The following PRSS53 variants were observed in gnomAD, a reference collection of about 807,000 sequenced individuals.
The protein encoded by PRSS53 is serine protease 53.
Under a neutral mutation model 62.7 loss-of-function variants are expected in PRSS53, and 54 were observed. That is an observed-to-expected ratio of 0.86 (90% confidence interval 0.69 to 1.08). The LOEUF (loss-of-function observed/expected upper bound fraction) is 1.08, where lower values mean the gene tolerates loss of function less well. PRSS53 is among the 50% of genes least tolerant of loss of function. The pLI, the probability that PRSS53 is intolerant of heterozygous loss-of-function variation, is 0.00. For synonymous variants in PRSS53, 273 were observed against 300.0 expected (o/e 0.91, Z 0.93); for missense variants, 688 against 728.3 (o/e 0.94, Z 0.64).
At chr16:31,084,798 G>C in exon 8 of PRSS53, 1 of 1,548,160 alleles carries the variant, frequency 6.5e-7, no homozygotes, top group Non-Finnish European at 8.7e-7. Context: ...GGGCGGGCCC[G>C]TCCCAGAACC....
chr16:31,087,619 C>A (rs1339042757), exon 3 of PRSS53: 1 of 1,610,484 alleles, frequency 6.2e-7, no homozygotes, highest in Admixed American at 1.7e-5. Context: ...TGCCTCCTCA[C>A]ACTGGCCTGC....
exon 2 of PRSS53, chr16:31,087,814 G>A (rs2143889137): frequency 6.2e-7 from 1 of 1,614,030 alleles, no homozygotes; most frequent in East Asian, 2.2e-5. Context: ...ACCACGCTGA[G>A]CGGCTTGAAG....
intron 1 of PRSS53, chr16:31,088,443 CAG>C: frequency 1.6e-6 from 2 of 1,274,494 alleles, no homozygotes; most frequent in Non-Finnish European, 1.0e-6. Flanking sequence ...CAGAGGAGCC[CAG>C]AGTTTGCCTG....
intron 3 of PRSS53, 78 bp from the exon 4 acceptor site, chr16:31,086,976 T>A: frequency 1.4e-6 from 2 of 1,445,558 alleles, no homozygotes; most frequent in Non-Finnish European, 1.9e-6. Context: ...CACAGGTAGG[T>A]GGAAGATAGC....
intron 1 of PRSS53, chr16:31,088,150 CTGTG>C: frequency 7.6e-7 from 1 of 1,322,064 alleles, no homozygotes; most frequent in Non-Finnish European, 9.7e-7. Context: ...GCCAGGCGGC[CTGTG>C]TGTGTAGAGA....
chr16:31,084,364 CTT>C (rs769102159), intron 9 of PRSS53, 29 bp from the exon 10 acceptor site: 22 of 1,594,070 alleles, frequency 1.4e-5, no homozygotes, highest in East Asian at 4.5e-5. Flanking sequence ...CACTGGGTGA[CTT>C]TTTATAGGCA....
exon 7 of PRSS53, chr16:31,085,238 T>A: frequency 1.3e-6 from 2 of 1,590,758 alleles, no homozygotes; most frequent in Non-Finnish European, 1.7e-6. Context: ...CCTGGGGACC[T>A]GCTGTCCTCA....
chr16:31,086,041 T>C, exon 6 of PRSS53: 1 of 1,614,018 alleles, frequency 6.2e-7, no homozygotes, highest in East Asian at 2.2e-5. Flanking sequence ...AACTCGAGCC[T>C]GCAGCCAGGA....
At chr16:31,088,669 C>T (rs925693859) in intron 1 of PRSS53, 83 bp downstream of exon 1, 23 of 1,599,972 alleles carry the variant, frequency 1.4e-5, no homozygotes, top group Non-Finnish European at 1.9e-5. Flanking sequence ...GGTCCCCCCA[C>T]CAAGAAGCAG....
At chr16:31,086,229 A>G (rs765321758) in intron 5 of PRSS53, 46 bp from the exon 6 acceptor site, 6 of 1,591,564 alleles carry the variant, frequency 3.8e-6, no homozygotes, top group Non-Finnish European at 5.1e-6. Flanking sequence ...GAGCCCAGCT[A>G]TGGCAGACAC....
At position 31,088,738 on chromosome 16, in the gene PRSS53, A is replaced by T. The variant is rs757811692; in HGVS notation, c.58+14T>A. ...CACCAGGCCACACCCATACCCCAGC[A>T]CATGGCGGCTTACCCTCCATGAGGA... On this transcript the variant is annotated intron_variant, in intron 1 of 10. Coordinates refer to ENST00000280606, the Ensembl canonical transcript of PRSS53. 3.7e-6 allele frequency: 6 copies of T among 1,613,166 alleles called. No individual in the cohort carries two copies. Among genetic ancestry groups the T allele is most frequent in the Non-Finnish European group, 5.1e-6 (6 of 1,180,018 alleles).
At chr16:31,086,384 C>T (rs1487780857) in exon 5 of PRSS53, 4 of 1,613,924 alleles carry the variant, frequency 2.5e-6, no homozygotes, top group Non-Finnish European at 3.4e-6. Flanking sequence ...CATAGCATCC[C>T]AGGCCGGGCC....
chr16:31,084,664 C>T (rs776180432), exon 9 of PRSS53: 2 of 1,611,398 alleles, frequency 1.2e-6, no homozygotes, highest in Non-Finnish European at 1.7e-6. Flanking sequence ...GGCCCTAGGC[C>T]CCAGGAGGGT....
At chr16:31,083,670 G>C (rs987654462) in exon 11 of PRSS53, 19 of 1,574,056 alleles carry the variant, frequency 1.2e-5, no homozygotes, top group Non-Finnish European at 1.6e-5. Context: ...TCCCACAGCT[G>C]CTGGGCTTCT....
chr16:31,083,832 G>A, intron 10 of PRSS53, 23 bp from the exon 11 acceptor site: 1 of 1,613,966 alleles, frequency 6.2e-7, no homozygotes, highest in Non-Finnish European at 8.5e-7. Context: ...AAGGAGGGTG[G>A]AGTTGTCCTC....
chr16:31,087,978 A>G, intron 1 of PRSS53, 152 bp from the exon 2 acceptor site: 1 of 1,526,976 alleles, frequency 6.5e-7, no homozygotes, highest in Non-Finnish European at 8.8e-7. Flanking sequence ...TATTTATATG[A>G]GGCCGAGACA....
chr16:31,084,499 C>G (rs2143865663), intron 9 of PRSS53, 59 bp downstream of exon 9: 1 of 1,556,146 alleles, frequency 6.4e-7, no homozygotes, highest in South Asian at 1.2e-5. Flanking sequence ...CGTTCTTGAG[C>G]TATTGGGTGA....
intron 4 of PRSS53, 28 bp downstream of exon 4, chr16:31,086,605 C>T: frequency 6.5e-7 from 1 of 1,542,232 alleles, no homozygotes; most frequent in Non-Finnish European, 8.8e-7. Context: ...GAGTGCCTCT[C>T]CGAGCTTCAG....
exon 5 of PRSS53, chr16:31,086,452 C>T: frequency 6.2e-7 from 1 of 1,614,050 alleles, no homozygotes; most frequent in Non-Finnish European, 8.5e-7. Context: ...TGTGGGGCGA[C>T]TGATGAGACG....
Sources: allele counts gnomAD v4.1 joint callset, GRCh38; gene constraint gnomAD v4.1.1; transcripts MANE v1.5; gene names NCBI Gene and HGNC (gene_info 2026-07-23, HGNC 2026-07-21).